Variants in INPP5F observed in about 807,000 individuals in gnomAD.
INPP5F encodes phosphatidylinositide 4-phosphatase SAC2.
A neutral mutation model predicts 137.2 loss-of-function variants in INPP5F; 97 were observed. That is an observed-to-expected ratio of 0.71 (90% confidence interval 0.60 to 0.84). INPP5F has a LOEUF of 0.84. Ranked by LOEUF, INPP5F falls within the 40% of genes least tolerant of loss-of-function variation. INPP5F has a pLI of 0.00. For missense variants in INPP5F, 1,271 were observed against 1,371.9 expected (o/e 0.93, Z 1.16); for synonymous variants, 504 against 476.9 (o/e 1.06, Z -0.74).
chr10:119,730,178 C>T (rs572979102), intron 1 of INPP5F, among the ~76,000 whole-genome samples: 5 of 151,980 alleles, frequency 3.3e-5, no homozygotes, highest in South Asian at 4.1e-4. Flanking sequence ...GGTGCGATCT[C>T]GGCTCACTGC....
At position 119,804,312 on chromosome 10, in the gene INPP5F, G is replaced by A. The variant is rs749763200; in HGVS notation, c.1241+15G>A. The stretch of plus-strand genomic sequence containing the variant: ...CATGAGCACTGGTAAGATGGCTTTC[G>A]GAGAATAGTGTTGATCAATTGCAGT... On this transcript the variant is annotated intron_variant, in intron 10 of 19. Transcript: ENST00000650623. 12 of 1,603,396 alleles carry A rather than the reference G, an allele frequency of 7.5e-6. No individual in the cohort carries two copies. Among genetic ancestry groups the A allele is most frequent in the East Asian group, 6.7e-5 (3 of 44,478 alleles).
chr10:119,793,355 A>G (rs1375017689), intron 6 of INPP5F, among the ~76,000 whole-genome samples: 1 of 152,142 alleles, frequency 6.6e-6, no homozygotes, highest in Middle Eastern at 3.2e-3. Context: ...ACTATTTTCA[A>G]CTTTAGCCAC....
Position 119,824,492 on chromosome 10 carries a change from G to A in INPP5F, c.2249+590G>A, listed in dbSNP as rs142299319. ...TCAGGAAGGACACCACAGAAGCCAC[G>A]TGCACTTCTTAGTGCCTCGTGCTGT... On this transcript the variant is annotated intron_variant, in intron 19 of 19. Transcript: ENST00000650623. Among the ~76,000 whole-genome samples the A allele has an allele frequency of 4.3e-3, 658 of 152,248 alleles. 12 individuals carry two copies. The highest frequency in any genetic ancestry group is 7.2e-4 in the Non-Finnish European group (49 of 68,012).
intron 2 of INPP5F, among the ~76,000 whole-genome samples, chr10:119,780,789 A>G (rs546697310): frequency 5.9e-5 from 9 of 152,266 alleles, no homozygotes; most frequent in East Asian, 3.9e-4. Context: ...ACTGTTTACC[A>G]TAGCATTTAG....
intron 1 of INPP5F, among the ~76,000 whole-genome samples, chr10:119,736,688 T>C (rs938223139): frequency 1.8e-4 from 28 of 152,232 alleles, no homozygotes; most frequent in Admixed American, 1.7e-3. Context: ...GTTAGGACTT[T>C]ATGCTTCATA....
intron 1 of INPP5F, among the ~76,000 whole-genome samples, chr10:119,749,020 G>A (rs534802323): frequency 6.6e-6 from 1 of 152,184 alleles, no homozygotes; most frequent in Non-Finnish European, 1.5e-5. Context: ...GGGCTGAGGC[G>A]GCAGGGAGCT....
Position 119,823,098 on chromosome 10 carries a change from C to T in INPP5F, c.2060C>T (p.Pro687Leu). 2 of 1,613,430 alleles carry T rather than the reference C, an allele frequency of 1.2e-6. No individual in the cohort carries two copies. Reference sequence around the variant, plus strand: ...CCTGAACCCACTCTTTTTGGTAAGCCAAAGTTCTCCTGCATGCGACTGCAC... The same window carrying T: ...CCTGAACCCACTCTTTTTGGTAAGCTAAAGTTCTCCTGCATGCGACTGCAC... ...IGPEPTLFGK[P>L]KFSCMRLHYR... Residue 687 changes from proline to leucine, a missense_variant, in exon 18 of 20, where the codon CCA (proline) becomes CTA (leucine). Physicochemically the swap from Pro to Leu is moderately conservative, Grantham distance 98. Coordinates refer to ENST00000650623, the MANE Select transcript of INPP5F (RefSeq NM_014937.4).
intron 2 of INPP5F, among the ~76,000 whole-genome samples, chr10:119,770,206 C>T (rs1012230851): frequency 1.3e-5 from 2 of 152,162 alleles, no homozygotes; most frequent in African/African-American, 4.8e-5. Context: ...ACAAAATTGA[C>T]TTTTTCCCCC....
intron 1 of INPP5F, among the ~76,000 whole-genome samples, chr10:119,739,901 A>G (rs894032105): frequency 2.0e-5 from 3 of 152,142 alleles, no homozygotes; most frequent in Non-Finnish European, 4.4e-5. Flanking sequence ...TTACAGGTGT[A>G]AGCTACCACA....
intron 15 of INPP5F, among the ~76,000 whole-genome samples, chr10:119,814,184 G>A (rs996803666): frequency 2.0e-5 from 3 of 152,056 alleles, no homozygotes; most frequent in African/African-American, 7.3e-5. Context: ...AAGGTCAGGA[G>A]TTCGAGACCA....
intron 2 of INPP5F, among the ~76,000 whole-genome samples, chr10:119,763,904 C>T (rs73355820): frequency 0.041 from 6,307 of 152,292 alleles, 461 homozygotes; most frequent in African/African-American, 0.14. Context: ...AATACTAGAA[C>T]ATGCACAAAT....
At chr10:119,755,414 G>C (rs527256361) in intron 2 of INPP5F, among the ~76,000 whole-genome samples, 2 of 152,200 alleles carry the variant, frequency 1.3e-5, no homozygotes, top group Non-Finnish European at 2.9e-5. Flanking sequence ...AATGACATCA[G>C]TCATTTTGGA....
At chr10:119,740,731 C>T (rs1564801623) in intron 1 of INPP5F, among the ~76,000 whole-genome samples, 1 of 152,102 alleles carries the variant, frequency 6.6e-6, no homozygotes, top group African/African-American at 2.4e-5. Context: ...TTAGTAGAGA[C>T]AGGGTTTCAC....
rs577176031 is a variant in INPP5F at position 119,821,793 on chromosome 10, G to C, written c.1959-638G>C. ...GCGCGCGCATGTGTTTGCCTTGTAA[G>C]TTAGGTTTTAGGTTTGTTTTCATTT... On this transcript the variant is annotated intron_variant, in intron 16 of 19. Transcript: ENST00000650623. Among the ~76,000 whole-genome samples, 5 of 149,280 alleles carry C rather than the reference G, an allele frequency of 3.3e-5. No individual in the cohort carries two copies. The East Asian group carries it at 6.0e-4, about 18-fold the overall frequency.
chr10:119,791,099 A>G (rs1850127101), intron 3 of INPP5F, among the ~76,000 whole-genome samples: 1 of 152,244 alleles, frequency 6.6e-6, no homozygotes, highest in South Asian at 2.1e-4. Context: ...AAAACACTCA[A>G]TTAGCATCAG....
chr10:119,729,602 G>C (rs1237471875), intron 1 of INPP5F, among the ~76,000 whole-genome samples: 1 of 147,894 alleles, frequency 6.8e-6, no homozygotes, highest in East Asian at 2.0e-4. Context: ...TCTGAGACAG[G>C]GTCTTGCTCT....
intron 1 of INPP5F, among the ~76,000 whole-genome samples, chr10:119,734,819 C>T (rs1220172492): frequency 6.6e-6 from 1 of 152,134 alleles, no homozygotes; most frequent in Non-Finnish European, 1.5e-5. Context: ...CTTTAGAAAT[C>T]TACATTTGCA....
chr10:119,798,032 A>C (rs1850445611), intron 8 of INPP5F, among the ~76,000 whole-genome samples: 1 of 133,650 alleles, frequency 7.5e-6, no homozygotes, highest in Non-Finnish European at 1.7e-5. Flanking sequence ...TTTTCTGTGA[A>C]AGTTTTTTTT....
In INPP5F at chr10:119,751,150, C is replaced by T. The variant is rs1488407431; in HGVS notation, c.172C>T (p.His58Tyr). 1 of 1,592,800 alleles carries T rather than the reference C, an allele frequency of 6.3e-7. No homozygotes were observed. The highest frequency in any genetic ancestry group is 8.6e-7 in the Non-Finnish European group (1 of 1,160,560). The change falls in exon 2 of 20, where the codon CAT becomes TAT. Residue 58 changes from histidine (H) to tyrosine (Y), a missense_variant. This residue lies in a region of INPP5F where 109 missense variants were observed against 105.1 expected (regional missense o/e 1.04). Transcript: ENST00000650623. ...AGGTGTTATTGGGAAAATTCAACTT[C>T]ATTCAGGTATGTTTCTATAAACTCC... ...VEGVIGKIQLHSDLPWWLILI... is the reference protein window; with the variant it reads ...VEGVIGKIQLYSDLPWWLILI...
Sources: gnomAD v4.1 joint callset for allele counts (sites outside exome capture counted in the v4.1 genomes callset) on GRCh38, gnomAD v4.1.1 for gene constraint, gnomAD v4.1.1 regional missense constraint, MANE v1.5 for transcripts, NCBI Gene and HGNC (gene_info 2026-07-23, HGNC 2026-07-21) for gene names.